The following FBXL2 variants were observed in gnomAD, a reference collection of about 807,000 sequenced individuals.
FBXL2 encodes F-box and leucine rich repeat protein 2, also known as F-box/LRR-repeat protein 2.
FBXL2 carries 38 observed loss-of-function variants against 69.2 expected under a neutral mutation model. The ratio of observed to expected loss-of-function variants is 0.55; its 90% CI spans 0.42 to 0.72. The LOEUF (loss-of-function observed/expected upper bound fraction) is 0.72, where lower values mean the gene tolerates loss of function less well. FBXL2 is among the 30% of genes least tolerant of loss of function. The probability of loss-of-function intolerance (pLI) is 0.00; values close to 1 mark genes in which losing one functional copy is unlikely to be tolerated. For missense variants in FBXL2, 354 were observed against 520.3 expected (o/e 0.68, Z 3.11); for synonymous variants, 192 against 201.3 (o/e 0.95, Z 0.39).
At chr3:33,417,299 C>G in the FBXL2 span, among the ~76,000 whole-genome samples, 31 of 152,102 alleles carry the variant, frequency 2.0e-4, no homozygotes, top group African/African-American at 7.0e-4. Flanking sequence ...CCCCACCCCC[C>G]ACCTGGCCAA....
chr3:33,313,474 C>T (rs2037396079), intron 2 of FBXL2, among the ~76,000 whole-genome samples: 1 of 152,230 alleles, frequency 6.6e-6, no homozygotes, highest in African/African-American at 2.4e-5. Flanking sequence ...AGAATAGGGT[C>T]TCACTCTGTC....
rs145515020 is a variant in FBXL2 at position 33,335,623 on chromosome 3, A to G, written c.66-23344A>G. 7.1e-3 allele frequency among the ~76,000 whole-genome samples: 1,081 copies of G among 152,334 alleles called. 10 individuals are homozygous for G. Among genetic ancestry groups the G allele is most frequent in the Non-Finnish European group, 0.012 (811 of 68,028 alleles). ...GTGATAGAAGCATAATATTATTTCA[A>G]GGTAGACTGCAAAAGGGACGTATTT... is the stretch of plus-strand genomic sequence containing the variant. On this transcript the variant is annotated intron_variant, in intron 2 of 14. Coordinates refer to ENST00000484457, the MANE Select transcript of FBXL2 (RefSeq NM_012157.5).
At chr3:33,303,967 C>G (rs79193357) in intron 2 of FBXL2, among the ~76,000 whole-genome samples, 1 of 151,208 alleles carries the variant, frequency 6.6e-6, no homozygotes, top group Non-Finnish European at 1.5e-5. Context: ...CAAGGAGATA[C>G]GAGATACTTT....
chr3:33,349,364 A>G (rs1478134656), intron 2 of FBXL2, among the ~76,000 whole-genome samples: 2 of 152,090 alleles, frequency 1.3e-5, no homozygotes, highest in Non-Finnish European at 2.9e-5. Context: ...AATTGATCAT[A>G]TGGTGTTTGT....
intron 1 of FBXL2, among the ~76,000 whole-genome samples, chr3:33,284,329 G>A (rs980998471): frequency 5.9e-5 from 9 of 152,186 alleles, no homozygotes; most frequent in Non-Finnish European, 1.2e-4. Context: ...TTCAGGAGCA[G>A]GTTGTTCAGT....
intron 12 of FBXL2, among the ~76,000 whole-genome samples, 197 bp downstream of exon 12, chr3:33,378,344 A>G (rs994348268): frequency 6.6e-6 from 1 of 152,210 alleles, no homozygotes; most frequent in Non-Finnish European, 1.5e-5. Flanking sequence ...AGACAGAACT[A>G]CAGAAGAGAA....
chr3:33,392,625 A>G (rs1418179172), downstream of FBXL2: 7 of 1,606,694 alleles, frequency 4.4e-6, no homozygotes, highest in Non-Finnish European at 6.0e-6. Context: ...CTGGAAGGAT[A>G]AAGTAAATGC....
intron 2 of FBXL2, among the ~76,000 whole-genome samples, chr3:33,306,806 T>C (rs917248678): frequency 6.6e-6 from 1 of 152,158 alleles, no homozygotes; most frequent in Non-Finnish European, 1.5e-5. Context: ...ATACAATGTT[T>C]GGTTTTATCT....
At chr3:33,383,695 C>T in intron 13 of FBXL2, 1 of 365,494 alleles carries the variant, frequency 2.7e-6, no homozygotes. Context: ...AAGCCACTCC[C>T]AGTGTAGCAA....
At chr3:33,286,018 G>T (rs570297319) in intron 1 of FBXL2, among the ~76,000 whole-genome samples, 1 of 152,162 alleles carries the variant, frequency 6.6e-6, no homozygotes, top group African/African-American at 2.4e-5. Context: ...TGTTATTACC[G>T]ATCATCTGAA....
At chr3:33,402,048 G>GTCAGCATGA (rs2154056154) in intron 12 of FBXL2, among the ~76,000 whole-genome samples, 1 of 152,284 alleles carries the variant, frequency 6.6e-6, no homozygotes, top group East Asian at 1.9e-4. Context: ...ATCAGACCTT[G>GTCAGCATGA]TCAGCATGAC....
rs1273785054 is a variant in FBXL2 at position 33,377,341 on chromosome 3, A to G, written c.849+8A>G. The stretch of plus-strand genomic sequence containing the variant: ...TTTACACTTTTAGCTCGGGTAAGGC[A>G]TAGATTTAAAGAATACAACCAAACT... On this transcript the variant is annotated splice_region_variant and intron_variant, in intron 11 of 14. Coordinates refer to ENST00000484457, the MANE Select transcript of FBXL2 (RefSeq NM_012157.5). 3.1e-6 allele frequency: 5 copies of G among 1,613,838 alleles called. No individual in the cohort carries two copies. Among genetic ancestry groups the G allele is most frequent in the Non-Finnish European group, 4.2e-6 (5 of 1,179,830 alleles).
the FBXL2 span, among the ~76,000 whole-genome samples, chr3:33,418,583 G>A: frequency 3.3e-5 from 5 of 151,812 alleles, no homozygotes; most frequent in Non-Finnish European, 4.4e-5. Flanking sequence ...ATTAGGCTGC[G>A]CGCAGTGGCT....
chr3:33,297,795 T>C, intron 2 of FBXL2, 70 bp downstream of exon 2: 1 of 919,306 alleles, frequency 1.1e-6, no homozygotes, highest in South Asian at 1.4e-5. Flanking sequence ...GACTATCTTC[T>C]TTCTCACTGT....
At chr3:33,349,514 GT>G (rs2040684708) in intron 2 of FBXL2, among the ~76,000 whole-genome samples, 1 of 152,116 alleles carries the variant, frequency 6.6e-6, no homozygotes, top group Non-Finnish European at 1.5e-5. Flanking sequence ...TTAGTATTTT[GT>G]TGAGAATTTT....
At chr3:33,340,433 G>A (rs562921470) in intron 2 of FBXL2, among the ~76,000 whole-genome samples, 15 of 152,078 alleles carry the variant, frequency 9.9e-5, no homozygotes, top group African/African-American at 3.1e-4. Flanking sequence ...AAGGCTGATT[G>A]TAGGACTGAG....
intron 2 of FBXL2, among the ~76,000 whole-genome samples, chr3:33,302,250 G>A (rs567638898): frequency 2.0e-5 from 3 of 152,188 alleles, no homozygotes; most frequent in African/African-American, 4.8e-5. Flanking sequence ...TAAACTGGAC[G>A]AATTCAATCT....
chr3:33,408,333 A>G (rs746535834), downstream of FBXL2, among the ~76,000 whole-genome samples: 4 of 152,166 alleles, frequency 2.6e-5, no homozygotes, highest in Admixed American at 6.5e-5. Context: ...TTTACTAAAG[A>G]AAGTATTTTC....
intron 2 of FBXL2, among the ~76,000 whole-genome samples, chr3:33,328,642 C>T (rs994567609): frequency 1.3e-5 from 2 of 151,276 alleles, no homozygotes; most frequent in African/African-American, 2.4e-5. Context: ...ACTGGATAAC[C>T]CTATCCAGAA....
Sources: allele counts gnomAD v4.1 joint callset (sites outside exome capture counted in the v4.1 genomes callset), GRCh38; gene constraint gnomAD v4.1.1; transcripts MANE v1.5; gene names NCBI Gene and HGNC (gene_info 2026-07-23, HGNC 2026-07-21).